The following FALEC variants were observed in gnomAD, a reference collection of about 807,000 sequenced individuals.
The protein encoded by FALEC is focally amplified lncRNA on chromosome 1.
chr1:150,534,375 A>G, the FALEC span, among the ~76,000 whole-genome samples: 3 of 152,202 alleles, frequency 2.0e-5, no homozygotes, highest in Non-Finnish European at 4.4e-5. Flanking sequence ...GCACCTTCAT[A>G]GAAAGAGGCA....
chr1:150,520,207 G>A (rs1346680672), downstream of FALEC, among the ~76,000 whole-genome samples: 1 of 152,122 alleles, frequency 6.6e-6, no homozygotes, highest in Non-Finnish European at 1.5e-5. Context: ...CCATTTTTAA[G>A]TGTACAACTC....
chr1:150,535,430 G>A, the FALEC span, among the ~76,000 whole-genome samples: 1 of 152,184 alleles, frequency 6.6e-6, no homozygotes, highest in Non-Finnish European at 1.5e-5. Context: ...TTTTAGTGGA[G>A]ACAGAGTTTC....
At chr1:150,519,918 C>T (rs587735537), downstream of FALEC, among the ~76,000 whole-genome samples, 80 of 151,638 alleles carry the variant, frequency 5.3e-4, no homozygotes, top group Admixed American at 9.2e-4. Context: ...TTTGGGAGGC[C>T]GAGGCAGACG....
At chr1:150,533,634 G>T in the FALEC span, among the ~76,000 whole-genome samples, 1 of 151,676 alleles carries the variant, frequency 6.6e-6, no homozygotes, top group African/African-American at 2.4e-5. Flanking sequence ...ATGAGGTTTC[G>T]CCATGTTGGC....
chr1:150,529,414 T>C, the FALEC span, among the ~76,000 whole-genome samples: 1 of 152,364 alleles, frequency 6.6e-6, no homozygotes, highest in African/African-American at 2.4e-5. Context: ...CTTTCTCAGA[T>C]GAAGTAAATG....
chr1:150,523,651 CAA>C, the FALEC span, among the ~76,000 whole-genome samples: 1,529 of 108,882 alleles, frequency 0.014, 23 homozygotes, highest in African/African-American at 0.043. Flanking sequence ...GAGACTCCGT[CAA>C]AAAAAAAAAA....
downstream of FALEC, among the ~76,000 whole-genome samples, chr1:150,519,044 G>T (rs1019628411): frequency 1.3e-5 from 2 of 152,150 alleles, no homozygotes; most frequent in Non-Finnish European, 2.9e-5. Flanking sequence ...CGACAAGAGT[G>T]AAACTCTGTC....
intron 1 of FALEC, among the ~76,000 whole-genome samples, chr1:150,516,414 G>A (rs1670570531): frequency 6.6e-6 from 1 of 152,202 alleles, no homozygotes; most frequent in Non-Finnish European, 1.5e-5. Flanking sequence ...GGGGAGGAGA[G>A]GAAGGGAACC....
At chr1:150,535,353 C>T in the FALEC span, among the ~76,000 whole-genome samples, 3 of 152,134 alleles carry the variant, frequency 2.0e-5, no homozygotes, top group Non-Finnish European at 4.4e-5. Flanking sequence ...AAGCAATTCT[C>T]CTGCCTCAGC....
the FALEC span, among the ~76,000 whole-genome samples, chr1:150,523,511 C>T: frequency 6.6e-6 from 1 of 151,068 alleles, no homozygotes; most frequent in African/African-American, 2.4e-5. Flanking sequence ...AAAAATTAGC[C>T]ATGCATGGTG....
the FALEC span, among the ~76,000 whole-genome samples, chr1:150,525,021 G>A: frequency 1.3e-5 from 2 of 149,820 alleles, no homozygotes; most frequent in Admixed American, 6.7e-5. Flanking sequence ...AAAAGGCCTG[G>A]TGCAGTGGCT....
chr1:150,528,935 T>C, the FALEC span, among the ~76,000 whole-genome samples: 2 of 145,262 alleles, frequency 1.4e-5, no homozygotes, highest in Admixed American at 1.4e-4. Flanking sequence ...CTCAGGGCTA[T>C]TTGCTCCACC....
At chr1:150,522,854 T>TATATATATATACGTATATATAC (rs1433589571), downstream of FALEC, among the ~76,000 whole-genome samples, 13 of 95,950 alleles carry the variant, frequency 1.4e-4, no homozygotes, top group South Asian at 2.2e-3. Flanking sequence ...TCTCTCTCTA[T>TATATATATATACGTATATATAC]ATATATATAT....
At chr1:150,536,297 C>T in the FALEC span, among the ~76,000 whole-genome samples, 2 of 152,152 alleles carry the variant, frequency 1.3e-5, no homozygotes, top group East Asian at 1.9e-4. Flanking sequence ...ACAGCTCAGG[C>T]AGGTGGTGGC....
the FALEC span, among the ~76,000 whole-genome samples, chr1:150,528,318 T>C: frequency 6.6e-6 from 1 of 152,200 alleles, no homozygotes; most frequent in African/African-American, 2.4e-5. Flanking sequence ...CTTCTTGATA[T>C]TGTGAAGCCT....
the FALEC span, among the ~76,000 whole-genome samples, chr1:150,535,182 TAAG>T: frequency 6.6e-6 from 1 of 151,802 alleles, no homozygotes. Flanking sequence ...CTCTGAGGGA[TAAG>T]AGCACAGTCA....
chr1:150,518,680 G>T (rs587709256), downstream of FALEC, among the ~76,000 whole-genome samples: 1 of 151,904 alleles, frequency 6.6e-6, no homozygotes, highest in East Asian at 1.9e-4. Flanking sequence ...GAGCCACCGT[G>T]CCCAGCAATA....
downstream of FALEC, among the ~76,000 whole-genome samples, chr1:150,522,558 G>T (rs1476200480): frequency 6.6e-6 from 1 of 151,512 alleles, no homozygotes; most frequent in Non-Finnish European, 1.5e-5. Flanking sequence ...AGGAGGGGGT[G>T]GTTGCCATGA....
At chr1:150,528,971 C>A in the FALEC span, among the ~76,000 whole-genome samples, 2 of 136,588 alleles carry the variant, frequency 1.5e-5, no homozygotes, top group Non-Finnish European at 3.0e-5. Context: ...ACAGGCATCC[C>A]AGAGCCTAGC....
Sources: allele counts gnomAD v4.1 joint callset (sites outside exome capture counted in the v4.1 genomes callset), GRCh38; gene constraint gnomAD v4.1.1; transcripts MANE v1.5; gene names NCBI Gene and HGNC (gene_info 2026-07-23, HGNC 2026-07-21).